Variants in TNFSF4 observed in about 807,000 individuals in gnomAD.
The protein encoded by TNFSF4 is TNF superfamily member 4.
Under a neutral mutation model 7.3 loss-of-function variants are expected in TNFSF4, and 4 were observed. The observed-to-expected ratio is 0.55, with a 90% confidence interval of 0.27 to 1.25. TNFSF4 has a LOEUF of 1.25. Ranked by LOEUF, TNFSF4 falls within the 50% of genes most tolerant of loss-of-function variation. TNFSF4 has a pLI of 0.12. For missense variants in TNFSF4, 181 were observed against 208.8 expected (o/e 0.87, Z 0.82); for synonymous variants, 76 against 83.7 (o/e 0.91, Z 0.50).
At chr1:173,335,785 C>T in the TNFSF4 span, among the ~76,000 whole-genome samples, 2 of 152,180 alleles carry the variant, frequency 1.3e-5, no homozygotes, top group African/African-American at 4.8e-5. Context: ...AACTCTGGTA[C>T]ACTGCTTAAA....
At chr1:173,242,799 T>C in the TNFSF4 span, among the ~76,000 whole-genome samples, 1 of 151,952 alleles carries the variant, frequency 6.6e-6, no homozygotes, top group Non-Finnish European at 1.5e-5. Context: ...GGAAGCAGAG[T>C]GTCCCCTGCA....
the TNFSF4 span, among the ~76,000 whole-genome samples, chr1:173,380,436 C>G: frequency 1.3e-5 from 2 of 152,084 alleles, no homozygotes; most frequent in African/African-American, 4.8e-5. Flanking sequence ...TAATTACACC[C>G]TACAACTTCA....
the TNFSF4 span, among the ~76,000 whole-genome samples, chr1:173,359,978 C>T: frequency 6.6e-6 from 1 of 152,250 alleles, no homozygotes; most frequent in Non-Finnish European, 1.5e-5. Context: ...GCTTGCTGAT[C>T]TAAGGACATT....
chr1:173,243,018 G>GGGGGGGGA, the TNFSF4 span, among the ~76,000 whole-genome samples: 6 of 71,060 alleles, frequency 8.4e-5, no homozygotes, highest in Admixed American at 1.5e-4. Flanking sequence ...GGGGGGGGGG[G>GGGGGGGGA]AGCACAAAAA....
chr1:173,335,389 C>G, the TNFSF4 span, among the ~76,000 whole-genome samples: 1 of 152,188 alleles, frequency 6.6e-6, no homozygotes, highest in Non-Finnish European at 1.5e-5. Flanking sequence ...GATCACTCTT[C>G]TCCGTAGGGG....
chr1:173,283,662 A>G, the TNFSF4 span, among the ~76,000 whole-genome samples: 36 of 152,304 alleles, frequency 2.4e-4, 1 homozygote, highest in South Asian at 1.2e-3. Context: ...AACCTTCCCT[A>G]AAGAAAATTC....
the TNFSF4 span, among the ~76,000 whole-genome samples, chr1:173,390,655 T>C: frequency 6.6e-6 from 1 of 152,158 alleles, no homozygotes; most frequent in South Asian, 2.1e-4. Flanking sequence ...AATCACTATA[T>C]TTCTTCAACT....
the TNFSF4 span, among the ~76,000 whole-genome samples, chr1:173,234,057 G>C: frequency 6.6e-6 from 1 of 152,164 alleles, no homozygotes; most frequent in African/African-American, 2.4e-5. Flanking sequence ...ATCTGACAAA[G>C]GGCTAATATC....
chr1:173,226,025 A>C, the TNFSF4 span, among the ~76,000 whole-genome samples: 3 of 152,222 alleles, frequency 2.0e-5, no homozygotes, highest in African/African-American at 4.8e-5. Context: ...TGAATTTATA[A>C]AATGTGAGTA....
chr1:173,347,473 CT>C, the TNFSF4 span, among the ~76,000 whole-genome samples: 1 of 152,184 alleles, frequency 6.6e-6, no homozygotes, highest in Non-Finnish European at 1.5e-5. Context: ...ATGAGACAGT[CT>C]TTCCCATGCA....
chr1:173,431,191 G>A, the TNFSF4 span, among the ~76,000 whole-genome samples: 1 of 152,182 alleles, frequency 6.6e-6, no homozygotes, highest in Non-Finnish European at 1.5e-5. Context: ...GGTTTTCTTT[G>A]GAGAATGTGT....
chr1:173,390,653 T>C, the TNFSF4 span, among the ~76,000 whole-genome samples: 2 of 152,168 alleles, frequency 1.3e-5, no homozygotes, highest in Non-Finnish European at 2.9e-5. Context: ...TAAATCACTA[T>C]ATTTCTTCAA....
chr1:173,279,948 T>C, the TNFSF4 span, among the ~76,000 whole-genome samples: 1 of 152,166 alleles, frequency 6.6e-6, no homozygotes, highest in African/African-American at 2.4e-5. Flanking sequence ...CCATTGTCTG[T>C]GAGGCCTTTT....
chr1:173,226,342 C>T, the TNFSF4 span, among the ~76,000 whole-genome samples: 67 of 152,182 alleles, frequency 4.4e-4, no homozygotes, highest in Admixed American at 4.3e-3. Context: ...TACACACCTT[C>T]TATCTTACTT....
chr1:173,271,513 C>T, the TNFSF4 span, among the ~76,000 whole-genome samples: 13 of 152,182 alleles, frequency 8.5e-5, 1 homozygote, highest in South Asian at 8.3e-4. Flanking sequence ...AAAAATCAAA[C>T]AACCCCATCA....
chr1:173,435,977 A>G, the TNFSF4 span, among the ~76,000 whole-genome samples: 154 of 152,368 alleles, frequency 1.0e-3, no homozygotes, highest in African/African-American at 3.6e-3. Context: ...TAAGTTAAAG[A>G]CTATGCATAT....
the TNFSF4 span, among the ~76,000 whole-genome samples, chr1:173,337,843 C>T: frequency 1.3e-5 from 2 of 152,260 alleles, no homozygotes; most frequent in East Asian, 3.9e-4. Flanking sequence ...GGAAGTAGAC[C>T]TCTCTGAATG....
the TNFSF4 span, among the ~76,000 whole-genome samples, chr1:173,407,773 T>G: frequency 1.3e-5 from 2 of 151,544 alleles, no homozygotes; most frequent in Non-Finnish European, 2.9e-5. Flanking sequence ...GACATCCCAA[T>G]AGCAATGAAC....
the TNFSF4 span, among the ~76,000 whole-genome samples, chr1:173,261,568 A>G: frequency 5.3e-5 from 8 of 152,244 alleles, no homozygotes; most frequent in East Asian, 1.5e-3. Flanking sequence ...TTAATAAAAT[A>G]TATAGACTGC....
Sources: allele counts gnomAD v4.1 joint callset (sites outside exome capture counted in the v4.1 genomes callset), GRCh38; gene constraint gnomAD v4.1.1; transcripts MANE v1.5; gene names NCBI Gene and HGNC (gene_info 2026-07-23, HGNC 2026-07-21).